ANK1: variants seen among roughly 807,000 people sequenced by gnomAD.
ANK1 encodes ankyrin-1.
ANK1 carries 51 observed loss-of-function variants against 210.4 expected under a neutral mutation model. The observed-to-expected ratio is 0.24, with a 90% CI of 0.19 to 0.31. The LOEUF is 0.31. ANK1 is among the 10% of genes least tolerant of loss of function. The pLI, the probability that ANK1 is intolerant of heterozygous loss-of-function variation, is 1.00. For missense variants in ANK1, 2,051 were observed against 2,504.4 expected (o/e 0.82, Z 3.86); for synonymous variants, 967 against 1,025.9 (o/e 0.94, Z 1.10).
intron 41 of ANK1, 89 bp downstream of exon 41, chr8:41,661,787 G>A (rs772151204): frequency 7.6e-5 from 122 of 1,613,134 alleles, no homozygotes; most frequent in Admixed American, 2.3e-4. Flanking sequence ...CCAGGGCCGC[G>A]GGCGCCTCAG....
intron 1 of ANK1, among the ~76,000 whole-genome samples, chr8:41,767,873 A>G (rs1586817862): frequency 6.6e-6 from 1 of 152,154 alleles, no homozygotes; most frequent in East Asian, 1.9e-4. Context: ...GGGTGAGCTC[A>G]GCAAACTCTA....
At chr8:41,736,468 G>C (rs143294447) in intron 2 of ANK1, among the ~76,000 whole-genome samples, 1 of 152,212 alleles carries the variant, frequency 6.6e-6, no homozygotes, top group Non-Finnish European at 1.5e-5. Context: ...TGCTGACAGC[G>C]GATGCCCTGT....
At chr8:41,766,826 C>G (rs925625103) in intron 1 of ANK1, among the ~76,000 whole-genome samples, 2 of 152,222 alleles carry the variant, frequency 1.3e-5, no homozygotes, top group Admixed American at 6.5e-5. Context: ...TTCCTCTGCC[C>G]CATTCATTTC....
At chr8:41,863,496 G>A (rs1407916702) in intron 1 of ANK1, among the ~76,000 whole-genome samples, 1 of 152,180 alleles carries the variant, frequency 6.6e-6, no homozygotes, top group East Asian at 1.9e-4. Flanking sequence ...AAAACTGTGT[G>A]TACCTTGGCT....
chr8:41,688,653 T>C (rs1818371349), intron 33 of ANK1, 64 bp from the exon 34 acceptor site: 1 of 1,440,356 alleles, frequency 6.9e-7, no homozygotes, highest in Non-Finnish European at 9.7e-7. Flanking sequence ...GAAAGTGATC[T>C]GAGCTCCTAT....
intron 2 of ANK1, among the ~76,000 whole-genome samples, chr8:41,757,743 G>T (rs1392897639): frequency 6.6e-6 from 1 of 152,194 alleles, no homozygotes. Context: ...CAATTCAAAG[G>T]CCACATATTC....
intron 37 of ANK1, 80 bp downstream of exon 37, chr8:41,684,464 T>G: frequency 6.3e-7 from 1 of 1,581,740 alleles, no homozygotes; most frequent in Non-Finnish European, 8.6e-7. Context: ...GGATGACGTA[T>G]TGTGGGAAGG....
rs1820175760 is a variant in ANK1 at position 41,694,223 on chromosome 8, ACCACAGAACCGACACGGT to A, written c.3328-139_3328-122del. On this transcript the variant is annotated intron_variant, in intron 28 of 42. Coordinates refer to ENST00000289734, the MANE Select transcript of ANK1 (RefSeq NM_000037.4). This position sits in a 1 kb window ranked among gnomAD's most constrained non-coding sequence, Gnocchi z 5.7. ...GCACGGGGTCCCGCCCTGCTGTTGGACCACAGAACCGACACGGTGGAGCTTGCCTTCCTGAGCCCTTTC... is the reference window on the plus strand; with the variant it reads ...GCACGGGGTCCCGCCCTGCTGTTGGAGGAGCTTGCCTTCCTGAGCCCTTTC... The A allele has an allele frequency of 2.4e-5, 26 of 1,064,626 alleles. No homozygotes were observed. In the East Asian group the frequency reaches 6.8e-4, roughly 28 times the overall value. 65.9% of individuals were successfully genotyped at this position (1,064,626 alleles called of 1,614,324 possible).
At chr8:41,709,067 C>G (rs1051465370) in intron 16 of ANK1, 92 bp from the exon 17 acceptor site, 1 of 1,467,486 alleles carries the variant, frequency 6.8e-7, no homozygotes, top group Non-Finnish European at 9.4e-7. Context: ...GGTTCTTGGC[C>G]GGCTGGACAC....
chr8:41,771,505 C>T (rs1320446345), intron 1 of ANK1, among the ~76,000 whole-genome samples: 1 of 152,220 alleles, frequency 6.6e-6, no homozygotes, highest in East Asian at 1.9e-4. Flanking sequence ...GTGCTAAGAA[C>T]TTGCTAGTGA....
intron 1 of ANK1, among the ~76,000 whole-genome samples, chr8:41,843,967 T>C (rs1809523819): frequency 6.6e-6 from 1 of 152,200 alleles, no homozygotes; most frequent in East Asian, 1.9e-4. Context: ...CTCCAACTCC[T>C]GGGCTCAAGT....
intron 22 of ANK1, chr8:41,700,565 A>G: frequency 1.8e-6 from 2 of 1,108,424 alleles, no homozygotes; most frequent in African/African-American, 1.5e-5. Flanking sequence ...TCTAGTTGAC[A>G]AAGTTATACA....
In ANK1 at chr8:41,881,291, A is replaced by G. The variant is rs374619067; in HGVS notation, c.126+15064T>C. Among the ~76,000 whole-genome samples, 32 of 152,338 alleles carry G rather than the reference A, an allele frequency of 2.1e-4. 1 individual carries two copies. Among genetic ancestry groups the G allele is most frequent in the African/African-American group, 7.2e-4 (30 of 41,584 alleles). ...GTTATTTCCCCAAGGTCACTCAGCC[A>G]CTTCCGAGAGGCAGAGTCAAGACCA... On this transcript the variant is annotated intron_variant, in intron 1 of 42. Transcript: ENST00000265709.
chr8:41,827,743 C>G (rs1356894551), intron 1 of ANK1, among the ~76,000 whole-genome samples: 3 of 149,674 alleles, frequency 2.0e-5, no homozygotes, highest in Middle Eastern at 3.2e-3. Flanking sequence ...TCCACACACG[C>G]ATACATACAC....
Position 41,703,400 on chromosome 8 carries a change from A to ATGTGTG in ANK1, c.2295+635_2295+640dup, listed in dbSNP as rs1199694080. On this transcript the variant is annotated intron_variant, in intron 20 of 42. Coordinates refer to ENST00000289734, the MANE Select transcript of ANK1 (RefSeq NM_000037.4). Reference sequence around the variant, plus strand: ...TGTGTGTGCATATATATATATGTATATGTGTGTGTGTGTGTGTGTGTGTAT... The same window carrying ATGTGTG: ...TGTGTGTGCATATATATATATGTATATGTGTGTGTGTGTGTGTGTGTGTGTGTGTAT... 5.0e-3 allele frequency among the ~76,000 whole-genome samples: 365 copies of ATGTGTG among 73,702 alleles called. 2 individuals are homozygous for ATGTGTG. The highest frequency in any genetic ancestry group is 6.8e-3 in the Non-Finnish European group (254 of 37,582). The allele number at this position is 73,702 out of a possible 152,430, so 48.4% of individuals were successfully genotyped here.
In ANK1 at chr8:41,820,552, C is replaced by T. The variant is rs538507154; in HGVS notation, c.127-62415G>A. Among the ~76,000 whole-genome samples, 30 of 152,178 alleles carry T rather than the reference C, an allele frequency of 2.0e-4. 1 individual carries two copies. The highest frequency in any genetic ancestry group is 3.4e-3 in the Middle Eastern group (1 of 294). On this transcript the variant is annotated intron_variant, in intron 1 of 42. Coordinates refer to the ANK1 transcript ENST00000265709. Reference sequence around the variant, plus strand: ...ACAGATCCAGGAGCCTAATTTGGTACAAAATGTTACCTGTGGCCAGTGTTT... The same window carrying T: ...ACAGATCCAGGAGCCTAATTTGGTATAAAATGTTACCTGTGGCCAGTGTTT...
At chr8:41,740,720 G>T (rs777592702) in intron 2 of ANK1, among the ~76,000 whole-genome samples, 12 of 152,184 alleles carry the variant, frequency 7.9e-5, no homozygotes, top group Admixed American at 1.3e-4. Context: ...TCAAATTAAG[G>T]TTCCTGAGTT....
intron 2 of ANK1, among the ~76,000 whole-genome samples, chr8:41,746,427 G>A (rs1424124234): frequency 1.3e-5 from 2 of 152,148 alleles, no homozygotes; most frequent in African/African-American, 2.4e-5. Context: ...GAGAGGTGGC[G>A]CAGATGGAAA....
intron 1 of ANK1, among the ~76,000 whole-genome samples, chr8:41,836,829 A>C (rs964128724): frequency 6.6e-6 from 1 of 151,524 alleles, no homozygotes; most frequent in African/African-American, 2.4e-5. Context: ...CTGAGGCAGG[A>C]GGATCACTTG....
Sources: gnomAD v4.1 joint callset for allele counts (sites outside exome capture counted in the v4.1 genomes callset) on GRCh38, gnomAD v4.1.1 for gene constraint, Gnocchi (gnomAD v3.1) non-coding constraint, MANE v1.5 for transcripts, NCBI Gene and HGNC (gene_info 2026-07-23, HGNC 2026-07-21) for gene names.